Variants in N4BP2 observed in about 807,000 individuals in gnomAD.
N4BP2 encodes the protein NEDD4 binding protein 2.
A neutral mutation model predicts 152.8 loss-of-function variants in N4BP2; 91 were observed. That is an observed-to-expected ratio of 0.60 (90% confidence interval 0.50 to 0.71). The LOEUF (loss-of-function observed/expected upper bound fraction) is 0.71, where lower values mean the gene tolerates loss of function less well. Among genes scored for constraint, N4BP2 ranks in the 30% least tolerant of loss-of-function variants. N4BP2 has a pLI of 0.00. For missense variants in N4BP2, 1,923 were observed against 2,059.1 expected (o/e 0.93, Z 1.28); for synonymous variants, 646 against 705.3 (o/e 0.92, Z 1.33).
the N4BP2 span, among the ~76,000 whole-genome samples, chr4:40,171,942 G>T: frequency 2.0e-5 from 3 of 152,162 alleles, no homozygotes; most frequent in Non-Finnish European, 4.4e-5. Context: ...GTCTCACTCT[G>T]TCGCTCAGGC....
intron 14 of N4BP2, 139 bp from the exon 15 acceptor site, chr4:40,142,534 G>A (rs912406585): frequency 4.9e-6 from 3 of 613,418 alleles, no homozygotes; most frequent in South Asian, 2.4e-5. Flanking sequence ...CAAGGTAGAC[G>A]CTGGGGAGAA....
Position 40,102,670 on chromosome 4 carries a change from T to C in N4BP2, c.825T>C (p.Val275=). 2 of 1,614,114 alleles carry C rather than the reference T, an allele frequency of 1.2e-6. No individual in the cohort carries two copies. The highest frequency in any genetic ancestry group is 1.7e-6 in the Non-Finnish European group (2 of 1,179,956). The part of the protein sequence containing the change: ...KQKELLESEC[V]EAQFSEAPVD... ...AAGAACTTTTAGAATCTGAGTGCGT[T>C]GAGGCTCAATTCTCTGAAGCTCCTG... Residue 275 remains valine (V), a synonymous_variant, in exon 4 of 18, where the codon GTT becomes GTC. Transcript: ENST00000261435.
chr4:40,092,407 T>C (rs1170556943), intron 2 of N4BP2, among the ~76,000 whole-genome samples: 1 of 151,896 alleles, frequency 6.6e-6, no homozygotes, highest in African/African-American at 2.4e-5. Context: ...CCATTTCATA[T>C]AAATTGTCAA....
the N4BP2 span, among the ~76,000 whole-genome samples, chr4:40,176,902 TC>T: frequency 6.6e-6 from 1 of 152,224 alleles, no homozygotes; most frequent in Non-Finnish European, 1.5e-5. Flanking sequence ...CTCTGGCCTT[TC>T]GGGGGATCCC....
At chr4:40,177,338 C>A in the N4BP2 span, among the ~76,000 whole-genome samples, 1 of 151,978 alleles carries the variant, frequency 6.6e-6, no homozygotes, top group Admixed American at 6.6e-5. Context: ...TTCCTGGGCC[C>A]GGCACGGTGG....
chr4:40,168,047 TA>T, the N4BP2 span, among the ~76,000 whole-genome samples: 1 of 152,094 alleles, frequency 6.6e-6, no homozygotes, highest in East Asian at 1.9e-4. Flanking sequence ...TGATGTGTAT[TA>T]AAAAAACATA....
chr4:40,124,215 A>G lies in N4BP2; in HGVS notation c.4330+10A>G, dbSNP rs1718187675. 1.3e-6 allele frequency: 2 copies of G among 1,593,342 alleles called. No individual in the cohort carries two copies. Among genetic ancestry groups the G allele is most frequent in the South Asian group, 1.1e-5 (1 of 88,500 alleles). On this transcript the variant is annotated intron_variant, in intron 11 of 17. Coordinates refer to ENST00000261435, the MANE Select transcript of N4BP2 (RefSeq NM_018177.6). ...GGCAAGTTTATGCAAGGTAAAGCACATGTTTTTATTTCTAATGTCTTAATG... is the reference window on the plus strand; with the variant it reads ...GGCAAGTTTATGCAAGGTAAAGCACGTGTTTTTATTTCTAATGTCTTAATG...
chr4:40,067,024 C>T (rs1711585027), intron 1 of N4BP2, among the ~76,000 whole-genome samples: 1 of 145,398 alleles, frequency 6.9e-6, no homozygotes, highest in East Asian at 2.0e-4. Context: ...CCTCAAGATT[C>T]TTCCATGTTG....
At chr4:40,108,538 A>T (rs932903004) in intron 5 of N4BP2, among the ~76,000 whole-genome samples, 11 of 151,124 alleles carry the variant, frequency 7.3e-5, no homozygotes, top group African/African-American at 2.4e-4. Context: ...CTGGTCTTGA[A>T]CACCTGACCT....
chr4:40,061,533 T>A (rs1232289311), intron 1 of N4BP2, among the ~76,000 whole-genome samples: 1 of 150,754 alleles, frequency 6.6e-6, no homozygotes, highest in African/African-American at 2.4e-5. Flanking sequence ...CCCAGCTAAG[T>A]TTTGTATTTT....
chr4:40,093,871 A>AT (rs1020948603), intron 2 of N4BP2, among the ~76,000 whole-genome samples: 1 of 152,098 alleles, frequency 6.6e-6, no homozygotes, highest in African/African-American at 2.4e-5. Flanking sequence ...AAGTGCTGCA[A>AT]TTACAGGTGT....
At chr4:40,142,256 A>G in intron 14 of N4BP2, 1 of 303,198 alleles carries the variant, frequency 3.3e-6, no homozygotes, top group Non-Finnish European at 6.5e-6. Context: ...ACCAATGAAC[A>G]GTTTTTTCAA....
At chr4:40,129,479 G>A (rs948909668) in intron 12 of N4BP2, among the ~76,000 whole-genome samples, 14 of 151,970 alleles carry the variant, frequency 9.2e-5, no homozygotes, top group African/African-American at 2.2e-4. Context: ...CACCTGCCTC[G>A]GCCTCCCAAA....
chr4:40,096,171 C>G (rs1715090084), intron 2 of N4BP2, among the ~76,000 whole-genome samples: 1 of 152,122 alleles, frequency 6.6e-6, no homozygotes, highest in Admixed American at 6.5e-5. Flanking sequence ...GTGGAGCTTA[C>G]ACTTTATTGG....
rs115228265 is a variant in N4BP2, at chr4:40,065,251, C to G, written c.-211-8204C>G. On this transcript the variant is annotated intron_variant, in intron 1 of 17. Transcript: ENST00000261435. ...CTTTATCACAGAGTTGGAACTTGAT[C>G]TTGAAAGCTATAGAGAGTCATTGAA... 9.8e-3 allele frequency among the ~76,000 whole-genome samples: 1,485 copies of G among 152,246 alleles called. 20 individuals are homozygous for G. Among genetic ancestry groups the G allele is most frequent in the African/African-American group, 0.033 (1,386 of 41,548 alleles).
chr4:40,064,516 G>A (rs1290111051), intron 1 of N4BP2, among the ~76,000 whole-genome samples: 2 of 151,824 alleles, frequency 1.3e-5, no homozygotes, highest in African/African-American at 2.4e-5. Flanking sequence ...CTTGTGATCC[G>A]CCTGCCTCGG....
chr4:40,188,452 GTGC>G, the N4BP2 span, among the ~76,000 whole-genome samples: 2 of 152,110 alleles, frequency 1.3e-5, no homozygotes. Flanking sequence ...TGCATATAAA[GTGC>G]TTAACTGGGC....
intron 14 of N4BP2, among the ~76,000 whole-genome samples, chr4:40,140,407 A>G (rs1719808406): frequency 1.3e-5 from 2 of 152,164 alleles, no homozygotes; most frequent in Admixed American, 1.3e-4. Flanking sequence ...CCCTCCTGAT[A>G]ATATGCAAGG....
rs1349965555 is a variant in N4BP2 at position 40,113,497 on chromosome 4, G to A, written c.1653G>A (p.Lys551=). 6 of 1,612,512 alleles carry A rather than the reference G, an allele frequency of 3.7e-6. No individual in the cohort carries two copies. Among genetic ancestry groups the A allele is most frequent in the African/African-American group, 2.7e-5 (2 of 74,866 alleles). The change falls in exon 7 of 18, where the codon AAG becomes AAA. Residue 551 remains lysine, a synonymous_variant. Coordinates refer to ENST00000261435, the MANE Select transcript of N4BP2 (RefSeq NM_018177.6). ...ACACATGGTGGAAGTTTAAACCAAA[G>A]GAACTTGCAAGGTAAAACTTGGAGG... ...EPDTWWKFKP[K]ELARRNIHGV...
Sources: allele counts gnomAD v4.1 joint callset (sites outside exome capture counted in the v4.1 genomes callset), GRCh38; gene constraint gnomAD v4.1.1; transcripts MANE v1.5; gene names NCBI Gene and HGNC (gene_info 2026-07-23, HGNC 2026-07-21).